Variants in PSMB1 observed in about 807,000 individuals in gnomAD.
PSMB1 encodes proteasome subunit beta type-1.
PSMB1 carries 7 observed loss-of-function variants against 25.4 expected under a neutral mutation model. The observed-to-expected ratio is 0.28, with a 90% CI of 0.16 to 0.52. The LOEUF (loss-of-function observed/expected upper bound fraction) is 0.52. Among genes scored for constraint, PSMB1 ranks in the 20% least tolerant of loss-of-function variants. PSMB1 has a pLI of 0.97. For missense variants in PSMB1, 284 were observed against 302.2 expected, an observed-to-expected ratio of 0.94 and a Z score of 0.45; for synonymous variants, 119 against 115.0, an observed-to-expected ratio of 1.03 and a Z score of -0.22.
chr6:170,549,791 A>G (rs1384017316), intron 1 of PSMB1: 1 of 152,252 alleles, frequency 6.6e-6, no homozygotes, highest in Non-Finnish European at 1.5e-5. Flanking sequence ...AACAGAGATC[A>G]CTGCAGTTGC....
intron 2 of PSMB1, among the ~76,000 whole-genome samples, chr6:170,547,771 G>A (rs1022958264): frequency 6.6e-6 from 1 of 151,802 alleles, no homozygotes; most frequent in Non-Finnish European, 1.5e-5. Context: ...TTTGGAAGAG[G>A]CAAGCTTAGT....
chr6:170,544,691 G>C (rs1364153231), intron 3 of PSMB1, among the ~76,000 whole-genome samples: 1 of 152,052 alleles, frequency 6.6e-6, no homozygotes, highest in East Asian at 1.9e-4. Context: ...AACAAAGTGA[G>C]ACGCTGTCTC....
At chr6:170,542,721 CG>C (rs1471069133) in intron 4 of PSMB1, among the ~76,000 whole-genome samples, 1 of 152,152 alleles carries the variant, frequency 6.6e-6, no homozygotes, top group African/African-American at 2.4e-5. Flanking sequence ...CAACTAGGTT[CG>C]GGGCAGTCCC....
In PSMB1 at chr6:170,535,316, C is replaced by A. The variant is rs756484076; in HGVS notation, c.630G>T (p.Ala210=). Residue 210 remains alanine, a synonymous_variant, in exon 6 of 6, where the codon GCG becomes GCT. Transcript: ENST00000262193. ...CCCCAGTGTACACATCTCTCTCAGC[C>A]GCAGAAATGAAGACATCTTTCACCA... The part of the protein sequence containing the change: ...MRLVKDVFIS[A]AERDVYTGDA... The A allele has an allele frequency of 2.5e-6, 4 of 1,614,056 alleles. No individual in the cohort carries two copies. The highest frequency in any genetic ancestry group is 3.4e-6 in the Non-Finnish European group (4 of 1,179,956).
rs186253167 is a variant in PSMB1, at chr6:170,542,623, C to T, written c.433+978G>A. Among the ~76,000 whole-genome samples the T allele has an allele frequency of 4.6e-5, 7 of 152,330 alleles. 2 individuals are homozygous for T. Among genetic ancestry groups the T allele is most frequent in the Non-Finnish European group, 1.0e-4 (7 of 68,026 alleles). ...CTCAAATCAACTCCCTCACCTTGGA[C>T]ACATCTTTTCCTGCTGTCTGCTGAG... On this transcript the variant is annotated intron_variant, in intron 4 of 5. Transcript: ENST00000262193.
intron 2 of PSMB1, among the ~76,000 whole-genome samples, chr6:170,546,395 T>G (rs1221798483): frequency 6.6e-6 from 1 of 152,182 alleles, no homozygotes; most frequent in African/African-American, 2.4e-5. Flanking sequence ...AAAATGCGAC[T>G]ATGAATGGAC....
At position 170,538,423 on chromosome 6, in the gene PSMB1, A is replaced by G. The variant is rs183405492; in HGVS notation, c.434-1083T>C. On this transcript the variant is annotated intron_variant, in intron 4 of 5. Coordinates refer to ENST00000262193, the MANE Select transcript of PSMB1 (RefSeq NM_002793.4). ...ACTATAGAACTGCGTAAACTTGGCC[A>G]GGCGCGGTGGCTCACGCCTGTAATC... 5.1e-4 allele frequency among the ~76,000 whole-genome samples: 77 copies of G among 152,300 alleles called. No individual in the cohort carries two copies. The East Asian group carries it at 0.011, about 22-fold the overall frequency.
chr6:170,538,199 CGTTAAAAAGGCCT>C (rs1562351044), intron 4 of PSMB1, among the ~76,000 whole-genome samples: 1 of 152,126 alleles, frequency 6.6e-6, no homozygotes, highest in African/African-American at 2.4e-5. Flanking sequence ...ATTCTACAAT[CGTTAAAAAGGCCT>C]GTTAAAAACA....
chr6:170,541,430 T>C (rs1444550960), intron 4 of PSMB1, among the ~76,000 whole-genome samples: 2 of 152,116 alleles, frequency 1.3e-5, no homozygotes, highest in Non-Finnish European at 2.9e-5. Flanking sequence ...TTACCAAAAG[T>C]GTAATGTGTT....
intron 1 of PSMB1, among the ~76,000 whole-genome samples, chr6:170,551,157 A>C (rs1406858015): frequency 6.6e-6 from 1 of 152,094 alleles, no homozygotes; most frequent in East Asian, 1.9e-4. Context: ...ATAAGAAGAA[A>C]GGAGAAGAGG....
intron 4 of PSMB1, among the ~76,000 whole-genome samples, chr6:170,538,210 C>T (rs191527745): frequency 0.012 from 1,810 of 152,230 alleles, 15 homozygotes; most frequent in Non-Finnish European, 0.019. Context: ...GTTAAAAAGG[C>T]CTGTTAAAAA....
Position 170,553,306 on chromosome 6 carries a change from A to C in PSMB1, c.-64T>G. 8.2e-7 allele frequency: 1 copy of C among 1,224,468 alleles called. No homozygotes were observed. Among genetic ancestry groups the C allele is most frequent in the Non-Finnish European group, 1.2e-6 (1 of 853,550 alleles). The allele number at this position is 1,224,468 out of a possible 1,614,324, so 75.9% of individuals were successfully genotyped here. A position where few individuals can be genotyped will look rare whatever the true frequency, so the allele number is the denominator to read the frequency against. ...ACGGCGAGATGGCTGCCTTGACCGG[A>C]CGTTACGCCACTTCCGGCTTCTCCT... On this transcript the variant is annotated 5_prime_UTR_variant, in exon 1 of 6. Coordinates refer to ENST00000262193, the MANE Select transcript of PSMB1 (RefSeq NM_002793.4).
chr6:170,547,881 CAA>C (rs5881874), intron 2 of PSMB1, among the ~76,000 whole-genome samples: 8 of 112,912 alleles, frequency 7.1e-5, no homozygotes, highest in African/African-American at 2.2e-4. Flanking sequence ...ACGTGTTTCA[CAA>C]AAAAAAAAAA....
chr6:170,540,033 T>C (rs942877816), intron 4 of PSMB1, among the ~76,000 whole-genome samples: 2 of 152,168 alleles, frequency 1.3e-5, no homozygotes, highest in Non-Finnish European at 2.9e-5. Flanking sequence ...TGTATAAACA[T>C]GTACTGATTG....
At chr6:170,543,330 A>G (rs1304046191) in intron 4 of PSMB1, among the ~76,000 whole-genome samples, 2 of 152,188 alleles carry the variant, frequency 1.3e-5, no homozygotes, top group Non-Finnish European at 2.9e-5. Context: ...TCTTTCTATA[A>G]GATAAAAATG....
At chr6:170,537,912 G>A (rs1778714379) in intron 4 of PSMB1, among the ~76,000 whole-genome samples, 1 of 152,202 alleles carries the variant, frequency 6.6e-6, no homozygotes, top group Admixed American at 6.5e-5. Flanking sequence ...AGCTAACGAA[G>A]AGGAGAACTT....
Position 170,546,188 on chromosome 6 carries a change from T to C in PSMB1, c.222-4A>G, listed in dbSNP as rs1446012241. ...TCCAATGACTGTTTTGTCTGTTCTG[T>C]AAAAAGCACATTTCAGAAAACTGAG... On this transcript the variant is annotated splice_polypyrimidine_tract_variant and splice_region_variant and intron_variant, in intron 2 of 5. Transcript: ENST00000262193. The C allele has an allele frequency of 4.3e-6, 7 of 1,613,240 alleles. No individual in the cohort carries two copies. Among genetic ancestry groups the C allele is most frequent in the East Asian group, 4.5e-5 (2 of 44,850 alleles).
chr6:170,553,235 G>C lies in PSMB1; in HGVS notation c.8C>G (p.Ser3Cys). Reference protein sequence around the residue: MLSSTAMYSAPGR... With the variant: MLCSTAMYSAPGR... Reference sequence around the variant, plus strand: ...AGGAGCCGAATACATGGCTGTAGAGGACAACATCGCACGGCTGCGCCTGCG... The same window carrying C: ...AGGAGCCGAATACATGGCTGTAGAGCACAACATCGCACGGCTGCGCCTGCG... The change falls in exon 1 of 6, where the codon TCC becomes TGC. Residue 3 changes from serine (S) to cysteine (C), a missense_variant. Coordinates refer to ENST00000262193, the MANE Select transcript of PSMB1 (RefSeq NM_002793.4). 6.2e-7 allele frequency: 1 copy of C among 1,611,038 alleles called. No individual in the cohort carries two copies. The highest frequency in any genetic ancestry group is 8.5e-7 in the Non-Finnish European group (1 of 1,178,346).
chr6:170,538,957 C>A (rs1778727554), intron 4 of PSMB1, among the ~76,000 whole-genome samples: 1 of 151,968 alleles, frequency 6.6e-6, no homozygotes, highest in Non-Finnish European at 1.5e-5. Flanking sequence ...AAGGATGGAA[C>A]CAATCTCAGA....
Sources: gnomAD v4.1 joint callset for allele counts (sites outside exome capture counted in the v4.1 genomes callset) on GRCh38, gnomAD v4.1.1 for gene constraint, MANE v1.5 for transcripts, NCBI Gene and HGNC (gene_info 2026-07-23, HGNC 2026-07-21) for gene names.